The following HERC3 variants were observed in gnomAD, a reference collection of about 807,000 sequenced individuals.
The protein encoded by HERC3 is probable E3 ubiquitin-protein ligase HERC3.
In HERC3, 58 loss-of-function variants were observed where a neutral mutation model predicts 129.9. The observed-to-expected ratio is 0.45, with a 90% confidence interval of 0.36 to 0.56. HERC3 has a LOEUF of 0.56. Ranked by LOEUF, HERC3 falls within the 20% of genes least tolerant of loss-of-function variation. The pLI is 0.00. For missense variants in HERC3, 835 were observed against 1,244.2 expected, an observed-to-expected ratio of 0.67 and a Z score of 4.95; for synonymous variants, 430 against 451.0, an observed-to-expected ratio of 0.95 and a Z score of 0.59.
intron 12 of HERC3, among the ~76,000 whole-genome samples, chr4:88,665,700 C>T (rs770115161): frequency 6.6e-6 from 1 of 152,188 alleles, no homozygotes; most frequent in Admixed American, 6.5e-5. Context: ...ACCCCCTCCC[C>T]ACAAATGAGT....
the HERC3 span, among the ~76,000 whole-genome samples, chr4:88,531,433 G>A: frequency 2.6e-5 from 4 of 152,072 alleles, no homozygotes; most frequent in African/African-American, 9.7e-5. Context: ...AAAAATAAGC[G>A]TTCACTAAAA....
intron 2 of HERC3, among the ~76,000 whole-genome samples, chr4:88,604,142 T>C (rs1723347003): frequency 6.6e-6 from 1 of 152,150 alleles, no homozygotes; most frequent in Non-Finnish European, 1.5e-5. Context: ...TACCTCAGCC[T>C]CCCGAGTAGC....
intron 23 of HERC3, chr4:88,697,321 T>C: frequency 3.7e-6 from 6 of 1,613,456 alleles, no homozygotes; most frequent in Non-Finnish European, 4.2e-6. Flanking sequence ...CTCGTCATCC[T>C]CGTACTCCTC....
In HERC3 at chr4:88,704,863, C is replaced by CTTTT. The variant is rs1165694315; in HGVS notation, c.2944+265_2944+268dup. On this transcript the variant is annotated intron_variant, in intron 25 of 25. Transcript: ENST00000402738. ...TCACTGATTTTTCTTTTCTTTCTTT[C>CTTTT]TTTTTTTTTTTTTTTGAGACAGAGT... Among the ~76,000 whole-genome samples, 512 of 130,648 alleles carry CTTTT rather than the reference C, an allele frequency of 3.9e-3. 11 individuals are homozygous for CTTTT. Among genetic ancestry groups the CTTTT allele is most frequent in the African/African-American group, 0.014 (484 of 33,386 alleles). The allele number at this position is 130,648 out of a possible 152,430, so 85.7% of individuals were successfully genotyped here. A position where few individuals can be genotyped will look rare whatever the true frequency, so the allele number is the denominator to read the frequency against.
intron 23 of HERC3, chr4:88,696,679 C>T (rs1734630279): frequency 6.5e-6 from 1 of 152,916 alleles, no homozygotes; most frequent in African/African-American, 2.4e-5. Flanking sequence ...TCCTCAATGC[C>T]ATCAATCTCC....
the HERC3 span, among the ~76,000 whole-genome samples, chr4:88,567,155 G>A: frequency 1.8e-4 from 27 of 152,098 alleles, no homozygotes; most frequent in African/African-American, 6.3e-4. Flanking sequence ...GAAGTCTGTT[G>A]TCAGATGTAT....
the HERC3 span, among the ~76,000 whole-genome samples, chr4:88,548,105 A>T: frequency 6.6e-6 from 1 of 152,280 alleles, no homozygotes; most frequent in South Asian, 2.1e-4. Context: ...TCATCAGTTG[A>T]TACACAATTG....
intron 23 of HERC3, among the ~76,000 whole-genome samples, chr4:88,687,859 A>G (rs994941729): frequency 1.3e-5 from 2 of 152,218 alleles, no homozygotes; most frequent in Non-Finnish European, 2.9e-5. Flanking sequence ...ATTTTTCAGG[A>G]TGATTCATAA....
the HERC3 span, among the ~76,000 whole-genome samples, chr4:88,559,478 T>C: frequency 2.2e-4 from 33 of 152,220 alleles, 1 homozygote; most frequent in Admixed American, 2.1e-3. Flanking sequence ...TTGTTCTCTA[T>C]CTCTGTATAG....
the HERC3 span, among the ~76,000 whole-genome samples, chr4:88,568,467 G>C: frequency 1.3e-5 from 2 of 152,184 alleles, no homozygotes; most frequent in African/African-American, 4.8e-5. Flanking sequence ...GTATTCTACT[G>C]TGGCTGAGCT....
chr4:88,638,872 C>T (rs1424491642), intron 3 of HERC3, among the ~76,000 whole-genome samples: 2 of 151,686 alleles, frequency 1.3e-5, no homozygotes, highest in East Asian at 1.9e-4. Context: ...TGCCTTGAGC[C>T]GATAAGCAAC....
the HERC3 span, among the ~76,000 whole-genome samples, chr4:88,528,984 T>A: frequency 2.0e-5 from 3 of 152,188 alleles, no homozygotes; most frequent in Non-Finnish European, 4.4e-5. Context: ...TATGAATAAA[T>A]GAATAAAGTA....
At chr4:88,542,419 A>C in the HERC3 span, among the ~76,000 whole-genome samples, 3 of 152,224 alleles carry the variant, frequency 2.0e-5, no homozygotes, top group Non-Finnish European at 4.4e-5. Context: ...GAATAGACCA[A>C]TAACAGGTTC....
chr4:88,624,176 A>G (rs1725842662), intron 3 of HERC3, among the ~76,000 whole-genome samples: 1 of 152,194 alleles, frequency 6.6e-6, no homozygotes, highest in Non-Finnish European at 1.5e-5. Context: ...GTTCATGGAC[A>G]TTTGAGTATT....
intron 4 of HERC3, 85 bp from the exon 5 acceptor site, chr4:88,651,927 G>A (rs993409140): frequency 1.0e-6 from 1 of 1,003,588 alleles, no homozygotes. Context: ...ATTTATTACT[G>A]ACATTTTATT....
At chr4:88,593,139 C>G (rs1721918958) in intron 1 of HERC3, 1 of 152,106 alleles carries the variant, frequency 6.6e-6, no homozygotes, top group South Asian at 2.1e-4. Context: ...GCGATGACAG[C>G]GCCGGCAGGG....
In HERC3 at chr4:88,683,002, A is replaced by G. The variant is rs1485595808; in HGVS notation, c.2507+1677A>G. ...AGCACCTGTTGTTTCATGACTTTTT[A>G]ATGATCGCCATTCTGACTGGTGTGA... On this transcript the variant is annotated intron_variant, in intron 21 of 25. Coordinates refer to ENST00000402738, the MANE Select transcript of HERC3 (RefSeq NM_014606.3). Among the ~76,000 whole-genome samples, 4 of 152,144 alleles carry G rather than the reference A, an allele frequency of 2.6e-5. No homozygotes were observed. In the East Asian group the frequency reaches 7.7e-4, roughly 29 times the overall value.
intron 9 of HERC3, chr4:88,656,418 G>T: frequency 5.6e-6 from 1 of 179,630 alleles, no homozygotes; most frequent in South Asian, 1.3e-4. Flanking sequence ...GGCAAAGAAG[G>T]AGCAGACACT....
chr4:88,571,723 C>T, the HERC3 span, among the ~76,000 whole-genome samples: 1 of 152,146 alleles, frequency 6.6e-6, no homozygotes, highest in Non-Finnish European at 1.5e-5. Context: ...ATTTGGGAGT[C>T]TCCAAACAAC....
Sources: allele counts gnomAD v4.1 joint callset (sites outside exome capture counted in the v4.1 genomes callset), GRCh38; gene constraint gnomAD v4.1.1; transcripts MANE v1.5; gene names NCBI Gene and HGNC (gene_info 2026-07-23, HGNC 2026-07-21).